Variants in CXorf38 observed in about 807,000 individuals in gnomAD.
The protein encoded by CXorf38 is chromosome X open reading frame 38, also known as uncharacterized protein CXorf38.
CXorf38 carries 13 observed loss-of-function variants against 27.5 expected under a neutral mutation model. The observed-to-expected ratio is 0.47, with a 90% CI of 0.31 to 0.75. CXorf38 has a LOEUF of 0.75. CXorf38 is among the 30% of genes least tolerant of loss of function. The probability of loss-of-function intolerance (pLI) is 0.05; values close to 1 mark genes in which losing one functional copy is unlikely to be tolerated. For synonymous variants in CXorf38, 100 were observed against 99.8 expected (o/e 1.00, Z -0.01); for missense variants, 240 against 253.2 (o/e 0.95, Z 0.35).
chrX:40,631,250 T>C (rs1251918104), intron 5 of CXorf38, among the ~76,000 whole-genome samples: 7 of 37,284 alleles, frequency 1.9e-4, no homozygotes, highest in South Asian at 1.5e-3. Context: ...TATGTATATA[T>C]ATATACACAC....
At chrX:40,639,289 T>G (rs1928213693) in intron 2 of CXorf38, 161 bp from the exon 3 acceptor site, 1 of 495,786 alleles carries the variant, frequency 2.0e-6, no homozygotes, top group African/African-American at 2.4e-5. Context: ...GTAGGGAAAC[T>G]GTCACAGCTA....
intron 5 of CXorf38, among the ~76,000 whole-genome samples, chrX:40,634,046 G>C (rs1391569404): frequency 8.9e-6 from 1 of 111,746 alleles, no homozygotes; most frequent in East Asian, 2.8e-4. Flanking sequence ...TACATGCACA[G>C]TGTATTTTAA....
In CXorf38 at chrX:40,630,652, T is replaced by C; in HGVS notation, c.923A>G (p.Gln308Arg). Residue 308 changes from glutamine to arginine, a missense_variant, in exon 6 of 7, where the codon CAG becomes CGG. Coordinates refer to ENST00000327877, the MANE Select transcript of CXorf38 (RefSeq NM_144970.3). ...GTCAGGTGTTTGTCTCCCAGGTTCC[T>C]GTGAATCCAGTTTTTGATGTAGACA... is the stretch of plus-strand genomic sequence containing the variant. The part of the protein sequence containing the change: ...SLCLHQKLDS[Q>R]EPGRQTPDRK... The C allele has an allele frequency of 8.3e-7, 1 of 1,210,563 alleles. No individual in the cohort carries two copies. The highest frequency in any genetic ancestry group is 1.7e-5 in the African/African-American group (1 of 57,804).
rs1927561394 is a variant in CXorf38 at position 40,627,202 on chromosome X, T to A, written c.*2962A>T. 1 of 103,543 alleles carries A rather than the reference T, an allele frequency of 9.7e-6. No individual in the cohort carries two copies. Among genetic ancestry groups the A allele is most frequent in the African/African-American group, 3.5e-5 (1 of 28,286 alleles). 8.5% of individuals were successfully genotyped at this position (103,543 alleles called of 1,213,427 possible). A position where few individuals can be genotyped will look rare whatever the true frequency, so the allele number is the denominator to read the frequency against. On this transcript the variant is annotated 3_prime_UTR_variant, in exon 7 of 7. Transcript: ENST00000327877. Reference sequence around the variant, plus strand: ...TTTTTTTTTTGGGGGGGGGGGGTTGTTTTTTAGAGACGGAGTCTCCCTCTG... The same window carrying A: ...TTTTTTTTTTGGGGGGGGGGGGTTGATTTTTAGAGACGGAGTCTCCCTCTG...
intron 5 of CXorf38, among the ~76,000 whole-genome samples, chrX:40,631,290 C>T (rs1927791957): frequency 2.3e-5 from 2 of 87,017 alleles, no homozygotes; most frequent in Non-Finnish European, 4.7e-5. Flanking sequence ...CACACACACA[C>T]GTGTATGTGT....
At chrX:40,644,701 G>A (rs1928497095) in intron 2 of CXorf38, among the ~76,000 whole-genome samples, 1 of 111,832 alleles carries the variant, frequency 8.9e-6, no homozygotes, top group Non-Finnish European at 1.9e-5. Context: ...GTGGATTTTG[G>A]TATCCTTGGG....
At position 40,631,218 on chromosome X, in the gene CXorf38, T is replaced by TAC. The variant is rs1250723979; in HGVS notation, c.802-447_802-446dup. Among the ~76,000 whole-genome samples the TAC allele has an allele frequency of 1.8e-3, 82 of 45,078 alleles. No homozygotes were observed. The East Asian group carries it at 0.066, about 36-fold the overall frequency. The allele number at this position is 45,078 out of a possible 115,157, so 39.1% of individuals were successfully genotyped here. A position where few individuals can be genotyped will look rare whatever the true frequency, so the allele number is the denominator to read the frequency against. On this transcript the variant is annotated intron_variant, in intron 5 of 6. Coordinates refer to ENST00000327877, the MANE Select transcript of CXorf38 (RefSeq NM_144970.3). ...ATATATACGTGTGTACATATATATATACATGTGTATATATATGTGTGTATG... is the reference window on the plus strand; with the variant it reads ...ATATATACGTGTGTACATATATATATACACATGTGTATATATATGTGTGTATG...
chrX:40,643,029 G>A (rs1290929501), intron 2 of CXorf38, among the ~76,000 whole-genome samples: 1 of 110,555 alleles, frequency 9.0e-6, no homozygotes, highest in African/African-American at 3.3e-5. Flanking sequence ...ACTCGTCTCG[G>A]CCTCCCAAAG....
intron 5 of CXorf38, among the ~76,000 whole-genome samples, chrX:40,634,540 T>C (rs1355584619): frequency 8.9e-6 from 1 of 112,705 alleles, no homozygotes; most frequent in Admixed American, 9.4e-5. Context: ...TGTCTTGTAA[T>C]AAACTGGCAG....
chrX:40,644,254 A>G lies in CXorf38; in HGVS notation c.351+2753T>C, dbSNP rs1019294717. Among the ~76,000 whole-genome samples the G allele has an allele frequency of 8.0e-5, 9 of 112,146 alleles. No homozygotes were observed. In the East Asian group the frequency reaches 1.4e-3, roughly 17 times the overall value. On this transcript the variant is annotated intron_variant, in intron 2 of 6. Transcript: ENST00000327877. Reference sequence around the variant, plus strand: ...TTCTATGGAGATGGGAATGAGCTGCAAGAGAGAGAGTGGACAGCTGAAGCC... The same window carrying G: ...TTCTATGGAGATGGGAATGAGCTGCGAGAGAGAGAGTGGACAGCTGAAGCC...
intron 2 of CXorf38, chrX:40,640,197 G>A: frequency 3.1e-6 from 1 of 319,987 alleles, no homozygotes; most frequent in South Asian, 2.7e-5. Context: ...ATGCATTGTG[G>A]TGTGTGCTAT....
chrX:40,643,776 C>G (rs1339543571), intron 2 of CXorf38, among the ~76,000 whole-genome samples: 1 of 112,007 alleles, frequency 8.9e-6, no homozygotes, highest in African/African-American at 3.3e-5. Flanking sequence ...TCCCAAAGTG[C>G]TGGGATTACA....
At chrX:40,642,589 G>T (rs148221174) in intron 2 of CXorf38, among the ~76,000 whole-genome samples, 5 of 111,799 alleles carry the variant, frequency 4.5e-5, no homozygotes, top group African/African-American at 1.3e-4. Flanking sequence ...AGAGAGACGA[G>T]GTCACAGATG....
chrX:40,641,278 T>C (rs748109791), intron 2 of CXorf38, among the ~76,000 whole-genome samples: 1 of 111,873 alleles, frequency 8.9e-6, no homozygotes, highest in South Asian at 3.7e-4. Context: ...GCAAAGTTAG[T>C]GGGGCCTTAG....
intron 5 of CXorf38, among the ~76,000 whole-genome samples, chrX:40,632,365 C>CT (rs1400243124): frequency 8.9e-6 from 1 of 112,280 alleles, no homozygotes; most frequent in African/African-American, 3.2e-5. Flanking sequence ...CTCTGTTCCA[C>CT]TTAGTTTCTT....
chrX:40,640,672 G>A (rs1057194114), intron 2 of CXorf38, among the ~76,000 whole-genome samples: 2 of 111,343 alleles, frequency 1.8e-5, no homozygotes, highest in Non-Finnish European at 3.8e-5. Flanking sequence ...TTTGGGCCGG[G>A]CGCACACCTA....
Position 40,636,673 on chromosome X carries a change from C to G in CXorf38, c.661G>C (p.Asp221His), listed in dbSNP as rs1394617674. 1 of 1,206,193 alleles carries G rather than the reference C, an allele frequency of 8.3e-7. No individual in the cohort carries two copies. Among genetic ancestry groups the G allele is most frequent in the Non-Finnish European group, 1.1e-6 (1 of 893,521 alleles). ...SDWAVHIPEE[D>H]QRDGCECEMG... ...TCACATTCACACCCATCTCGCTGATCTTCCTCGGGGATGTGAACAGCCCAG... is the reference window on the plus strand; with the variant it reads ...TCACATTCACACCCATCTCGCTGATGTTCCTCGGGGATGTGAACAGCCCAG... The change falls in exon 5 of 7, where the codon GAT (aspartate) becomes CAT (histidine). Residue 221 changes from aspartate to histidine, a missense_variant. By Grantham distance (81) the Asp-to-His change is moderately conservative. Coordinates refer to ENST00000327877, the MANE Select transcript of CXorf38 (RefSeq NM_144970.3).
At chrX:40,633,348 C>T (rs1458805087) in intron 5 of CXorf38, among the ~76,000 whole-genome samples, 2 of 110,788 alleles carry the variant, frequency 1.8e-5, no homozygotes, top group Non-Finnish European at 3.8e-5. Flanking sequence ...GGCTAATCCT[C>T]ACCTCCTTCA....
Position 40,639,045 on chromosome X carries a change from G to A in CXorf38, c.435C>T (p.Cys145=), listed in dbSNP as rs1263522047. The A allele has an allele frequency of 8.3e-7, 1 of 1,210,509 alleles. No homozygotes were observed. Among genetic ancestry groups the A allele is most frequent in the African/African-American group, 1.7e-5 (1 of 57,737 alleles). ...AVALLSLINS[C]DHFVVDRKKV... ...TCTTTCGATCAACCACGAAGTGATCGCAGGAGTTGATGAGACTTAAAAGAG... is the reference window on the plus strand; with the variant it reads ...TCTTTCGATCAACCACGAAGTGATCACAGGAGTTGATGAGACTTAAAAGAG... The change falls in exon 3 of 7, where the codon TGC becomes TGT. Residue 145 remains cysteine, a synonymous_variant. Coordinates refer to ENST00000327877, the MANE Select transcript of CXorf38 (RefSeq NM_144970.3).
Sources: allele counts gnomAD v4.1 joint callset (sites outside exome capture counted in the v4.1 genomes callset), GRCh38; gene constraint gnomAD v4.1.1; transcripts MANE v1.5; gene names NCBI Gene and HGNC (gene_info 2026-07-23, HGNC 2026-07-21).